AIM2: variants seen among roughly 807,000 people sequenced by gnomAD.
AIM2 encodes the protein interferon-inducible protein AIM2.
AIM2 carries 30 observed loss-of-function variants against 27.7 expected under a neutral mutation model. The observed-to-expected ratio is 1.08, with a 90% CI of 0.81 to 1.47. The LOEUF (loss-of-function observed/expected upper bound fraction) is 1.47, where lower values mean the gene tolerates loss of function less well. Ranked by LOEUF, AIM2 falls within the 40% of genes most tolerant of loss-of-function variation. The pLI, the probability that AIM2 is intolerant of heterozygous loss-of-function variation, is 0.00. For synonymous variants in AIM2, 141 were observed against 145.3 expected, an observed-to-expected ratio of 0.97 and a Z score of 0.21; for missense variants, 358 against 411.3, an observed-to-expected ratio of 0.87 and a Z score of 1.12.
downstream of AIM2, among the ~76,000 whole-genome samples, chr1:159,061,530 T>C (rs914032275): frequency 6.6e-5 from 10 of 151,346 alleles, no homozygotes; most frequent in African/African-American, 2.4e-4. Flanking sequence ...GTAGCTGGGA[T>C]TACAGGTGCC....
intron 1 of AIM2, among the ~76,000 whole-genome samples, chr1:159,088,649 T>C (rs1441796945): frequency 6.6e-6 from 1 of 152,212 alleles, no homozygotes; most frequent in Non-Finnish European, 1.5e-5. Context: ...TAAGAGGTGA[T>C]GAGTCGTGAG....
chr1:159,135,401 T>C (rs1008096071), intron 1 of AIM2, among the ~76,000 whole-genome samples: 4 of 152,210 alleles, frequency 2.6e-5, no homozygotes, highest in Non-Finnish European at 5.9e-5. Flanking sequence ...TGGAGCCAGA[T>C]TATTATTTTT....
At chr1:159,105,698 G>A (rs1474134107) in intron 1 of AIM2, among the ~76,000 whole-genome samples, 1 of 152,172 alleles carries the variant, frequency 6.6e-6, no homozygotes, top group African/African-American at 2.4e-5. Flanking sequence ...GAGCTGAGGA[G>A]ACCCGAATTG....
At chr1:159,073,937 G>T (rs1656484256) in intron 1 of AIM2, among the ~76,000 whole-genome samples, 1 of 152,162 alleles carries the variant, frequency 6.6e-6, no homozygotes, top group South Asian at 2.1e-4. Flanking sequence ...TACTCAGGAG[G>T]CTGAGGCAGG....
intron 1 of AIM2, among the ~76,000 whole-genome samples, chr1:159,103,517 T>G (rs541046328): frequency 1.3e-5 from 2 of 152,268 alleles, no homozygotes; most frequent in African/African-American, 2.4e-5. Flanking sequence ...ATCTCCTCTT[T>G]CCACCTCACC....
At chr1:159,083,564 G>T (rs572878442) in intron 1 of AIM2, among the ~76,000 whole-genome samples, 1 of 152,182 alleles carries the variant, frequency 6.6e-6, no homozygotes, top group Non-Finnish European at 1.5e-5. Flanking sequence ...GCTCATTGAA[G>T]TATCTTCCTA....
chr1:159,083,606 T>A (rs1157144007), intron 1 of AIM2, among the ~76,000 whole-genome samples: 3 of 152,204 alleles, frequency 2.0e-5, no homozygotes, highest in Non-Finnish European at 4.4e-5. Flanking sequence ...ACCATTTAGC[T>A]CTACTAAATT....
At chr1:159,109,081 C>T (rs548770875) in intron 1 of AIM2, among the ~76,000 whole-genome samples, 8 of 152,182 alleles carry the variant, frequency 5.3e-5, no homozygotes, top group Middle Eastern at 3.4e-3. Context: ...GCTCACATAG[C>T]CAAAGCAAGA....
chr1:159,065,844 C>T, intron 4 of AIM2, 66 bp downstream of exon 4: 1 of 1,482,310 alleles, frequency 6.7e-7, no homozygotes, highest in Non-Finnish European at 9.0e-7. Context: ...TCCAAAGTTT[C>T]TTTAAGATCA....
chr1:159,136,351 G>A (rs116639030), intron 1 of AIM2, among the ~76,000 whole-genome samples: 1,960 of 152,122 alleles, frequency 0.013, 33 homozygotes, highest in Middle Eastern at 0.044. Context: ...TATCTACCTC[G>A]ACAATTTTAC....
intron 1 of AIM2, among the ~76,000 whole-genome samples, chr1:159,124,510 G>T (rs960134127): frequency 3.3e-5 from 5 of 152,080 alleles, no homozygotes; most frequent in African/African-American, 1.2e-4. Context: ...ACTATTCTTT[G>T]GAATCCTCTC....
At chr1:159,076,571 C>G (rs1021308272) in intron 1 of AIM2, 62 bp downstream of exon 1, 3 of 152,222 alleles carry the variant, frequency 2.0e-5, no homozygotes, top group African/African-American at 7.2e-5. Flanking sequence ...CCTCAGTTGT[C>G]TTTTTCAGCA....
chr1:159,061,558 ATT>A (rs945588968), downstream of AIM2, among the ~76,000 whole-genome samples: 12,846 of 82,736 alleles, frequency 0.16, 780 homozygotes, highest in East Asian at 0.3. Flanking sequence ...GTGCCCGGCT[ATT>A]TTTTTTTTTT....
chr1:159,057,889 A>G (rs946456067), downstream of AIM2, among the ~76,000 whole-genome samples: 1 of 152,260 alleles, frequency 6.6e-6, no homozygotes, highest in African/African-American at 2.4e-5. Context: ...AATTATTTCT[A>G]CATAGGCCTT....
At position 159,066,122 on chromosome 1, in the gene AIM2, T is replaced by A. The variant is rs1557891499; in HGVS notation, c.604A>T (p.Ile202Phe). 1 of 1,614,220 alleles carries A rather than the reference T, an allele frequency of 6.2e-7. No homozygotes were observed. ...GCTATTATAATTATTCTCTTTGGAA[T>A]GAATTTATCTTTCAGCAGTGTATTA... ...VFNTLLKDKF[I>F]PKRIIIIARY... Residue 202 changes from isoleucine (I) to phenylalanine (F), a missense_variant, in exon 4 of 6, where the codon ATT becomes TTT. Physicochemically the swap from Ile to Phe is conservative, Grantham distance 21. Coordinates refer to ENST00000368130, the MANE Select transcript of AIM2 (RefSeq NM_004833.3).
At chr1:159,057,131 C>T in the AIM2 span, among the ~76,000 whole-genome samples, 1 of 152,278 alleles carries the variant, frequency 6.6e-6, no homozygotes, top group East Asian at 1.9e-4. Flanking sequence ...ATCCCCAAGT[C>T]CCAGCAACCT....
chr1:159,083,106 G>C (rs1403311713), intron 1 of AIM2, among the ~76,000 whole-genome samples: 1 of 152,082 alleles, frequency 6.6e-6, no homozygotes, highest in East Asian at 1.9e-4. Context: ...AAAAAATAAA[G>C]ATGCATAAAG....
chr1:159,070,099 C>A (rs954385354), intron 2 of AIM2, among the ~76,000 whole-genome samples: 1 of 152,220 alleles, frequency 6.6e-6, no homozygotes, highest in African/African-American at 2.4e-5. Context: ...CCAACTCTAA[C>A]TCCTGGCTTA....
At chr1:159,110,949 A>G (rs571633401) in intron 1 of AIM2, among the ~76,000 whole-genome samples, 1 of 152,238 alleles carries the variant, frequency 6.6e-6, no homozygotes, top group East Asian at 1.9e-4. Flanking sequence ...TCCATTTACC[A>G]TCTAGGGAAT....
Sources: gnomAD v4.1 joint callset for allele counts (sites outside exome capture counted in the v4.1 genomes callset) on GRCh38, gnomAD v4.1.1 for gene constraint, MANE v1.5 for transcripts, NCBI Gene and HGNC (gene_info 2026-07-23, HGNC 2026-07-21) for gene names.